ZZZ3: variants seen among roughly 807,000 people sequenced by gnomAD.
ZZZ3 encodes the protein ZZ-type zinc finger-containing protein 3.
In ZZZ3, 22 loss-of-function variants were observed where a neutral mutation model predicts 95.2. The ratio of observed to expected loss-of-function variants is 0.23; its 90% CI spans 0.17 to 0.33. The LOEUF (loss-of-function observed/expected upper bound fraction) is 0.33. ZZZ3 is among the 10% of genes least tolerant of loss of function. The probability of loss-of-function intolerance (pLI) is 1.00; values close to 1 mark genes in which losing one functional copy is unlikely to be tolerated. For synonymous variants in ZZZ3, 335 were observed against 358.9 expected (o/e 0.93, Z 0.75); for missense variants, 885 against 1,066.5 (o/e 0.83, Z 2.37).
At chr1:77,616,917 T>C (rs1486927864) in intron 5 of ZZZ3, among the ~76,000 whole-genome samples, 1 of 152,128 alleles carries the variant, frequency 6.6e-6, no homozygotes, top group African/African-American at 2.4e-5. Context: ...TTGTCAGGCA[T>C]GTTCCCAATA....
intron 1 of ZZZ3, among the ~76,000 whole-genome samples, chr1:77,672,262 A>T (rs1217944206): frequency 2.0e-5 from 3 of 152,202 alleles, no homozygotes; most frequent in Non-Finnish European, 4.4e-5. Context: ...CTATAAAGTT[A>T]CAAGGATGGT....
At chr1:77,666,803 T>C (rs1396575638) in intron 1 of ZZZ3, among the ~76,000 whole-genome samples, 1 of 152,172 alleles carries the variant, frequency 6.6e-6, no homozygotes, top group Non-Finnish European at 1.5e-5. Context: ...AGGAAGAAGA[T>C]ACTATTTTAG....
chr1:77,626,429 C>T (rs12038908), intron 5 of ZZZ3, among the ~76,000 whole-genome samples: 9,568 of 152,242 alleles, frequency 0.063, 375 homozygotes, highest in East Asian at 0.18. Flanking sequence ...TGCAACTAGA[C>T]GATCTCATCT....
chr1:77,674,638 AGAG>A lies in ZZZ3; in HGVS notation c.-403+7944_-403+7946del, dbSNP rs1289370353. 8.5e-5 allele frequency among the ~76,000 whole-genome samples: 13 copies of A among 152,268 alleles called. No individual in the cohort carries two copies. The East Asian group carries it at 1.2e-3, about 14-fold the overall frequency. ...TATCTTTATTTAAAAAGAAGGAAAA[AGAG>A]GAGATTTCTCCTTAGGAAAAGACAC... is the stretch of plus-strand genomic sequence containing the variant. On this transcript the variant is annotated intron_variant, in intron 1 of 14. Transcript: ENST00000370801.
At chr1:77,644,437 G>T (rs1669076309) in intron 1 of ZZZ3, among the ~76,000 whole-genome samples, 1 of 152,058 alleles carries the variant, frequency 6.6e-6, no homozygotes. Flanking sequence ...ATTTTCATTT[G>T]GTACAATAAT....
At chr1:77,671,683 T>C (rs576767287) in intron 1 of ZZZ3, among the ~76,000 whole-genome samples, 1 of 152,336 alleles carries the variant, frequency 6.6e-6, no homozygotes, top group African/African-American at 2.4e-5. Flanking sequence ...GTATCTAGCA[T>C]GTATCTGGCC....
chr1:77,607,913 C>A (rs1448960253), intron 5 of ZZZ3, among the ~76,000 whole-genome samples: 9 of 136,518 alleles, frequency 6.6e-5, no homozygotes, highest in Non-Finnish European at 1.4e-4. Flanking sequence ...GAACAAGACT[C>A]TGTCTCAAAA....
intron 5 of ZZZ3, among the ~76,000 whole-genome samples, chr1:77,616,586 C>T (rs1299009079): frequency 2.0e-5 from 3 of 152,164 alleles, no homozygotes; most frequent in Admixed American, 6.5e-5. Flanking sequence ...AATTGTCAGC[C>T]GGGCGCGGAG....
At chr1:77,679,036 C>A (rs72938017) in intron 1 of ZZZ3, among the ~76,000 whole-genome samples, 9 of 152,236 alleles carry the variant, frequency 5.9e-5, no homozygotes, top group Admixed American at 3.9e-4. Context: ...AAATTACCTA[C>A]ATAAATGAGA....
At chr1:77,668,825 T>C (rs1213220361) in intron 1 of ZZZ3, among the ~76,000 whole-genome samples, 1 of 152,176 alleles carries the variant, frequency 6.6e-6, no homozygotes, top group East Asian at 1.9e-4. Context: ...CTAAGTGTTC[T>C]TCCTTGTTGG....
At chr1:77,651,513 C>A (rs372848730) in intron 1 of ZZZ3, among the ~76,000 whole-genome samples, 4 of 152,094 alleles carry the variant, frequency 2.6e-5, no homozygotes, top group Non-Finnish European at 2.9e-5. Flanking sequence ...CCAATTACTA[C>A]GTGAGTTTAT....
rs1222221853 is a variant in ZZZ3 at position 77,564,646 on chromosome 1, T to C, written c.*994A>G. The C allele has an allele frequency of 6.6e-6, 1 of 152,630 alleles. No homozygotes were observed. Among genetic ancestry groups the C allele is most frequent in the Non-Finnish European group, 1.5e-5 (1 of 68,008 alleles). The allele number at this position is 152,630 out of a possible 1,614,324, so 9.5% of individuals were successfully genotyped here. A position where few individuals can be genotyped will look rare whatever the true frequency, so the allele number is the denominator to read the frequency against. Reference sequence around the variant, plus strand: ...TGATGCACAACAAAATCCAGCAGTATAAAAGAATGCATGTGAACCCTTGCT... The same window carrying C: ...TGATGCACAACAAAATCCAGCAGTACAAAAGAATGCATGTGAACCCTTGCT... On this transcript the variant is annotated 3_prime_UTR_variant, in exon 15 of 15. Transcript: ENST00000370801.
At position 77,590,644 on chromosome 1, in the gene ZZZ3, C is replaced by A. The variant is rs372044708; in HGVS notation, c.1506-5989G>T. Among the ~76,000 whole-genome samples the A allele has an allele frequency of 2.5e-4, 38 of 152,194 alleles. 1 individual carries two copies. The East Asian group carries it at 2.5e-3, about 10-fold the overall frequency. On this transcript the variant is annotated intron_variant, in intron 5 of 14. Coordinates refer to ENST00000370801, the MANE Select transcript of ZZZ3 (RefSeq NM_015534.6). Reference sequence around the variant, plus strand: ...TAATGCATAATCTTGGGCTAGATCCCCCCAGGGGGTTAAACAGCTATAAAG... The same window carrying A: ...TAATGCATAATCTTGGGCTAGATCCACCCAGGGGGTTAAACAGCTATAAAG...
In ZZZ3 at chr1:77,641,534, G is replaced by GT. The variant is rs1311273927; in HGVS notation, c.-282dup. 1 of 397,968 alleles carries GT rather than the reference G, an allele frequency of 2.5e-6. No homozygotes were observed. The highest frequency in any genetic ancestry group is 4.4e-5 in the Admixed American group (1 of 22,690). The allele number at this position is 397,968 out of a possible 1,614,324, so 24.7% of individuals were successfully genotyped here. Reference sequence around the variant, plus strand: ...CATTATTTCTTACCTTTTAAAAAGCGTTTTGCCTAGTATTTGATCCCCATG... The same window carrying GT: ...CATTATTTCTTACCTTTTAAAAAGCGTTTTTGCCTAGTATTTGATCCCCATG... On this transcript the variant is annotated 5_prime_UTR_variant, in exon 2 of 15. Transcript: ENST00000370801.
At chr1:77,637,477 T>A (rs1453146120) in intron 4 of ZZZ3, among the ~76,000 whole-genome samples, 4 of 152,150 alleles carry the variant, frequency 2.6e-5, no homozygotes, top group Non-Finnish European at 5.9e-5. Flanking sequence ...TTTCTATAAT[T>A]ATCTAATAAA....
intron 12 of ZZZ3, among the ~76,000 whole-genome samples, chr1:77,574,743 C>A (rs1364588491): frequency 6.6e-6 from 1 of 152,128 alleles, no homozygotes; most frequent in Non-Finnish European, 1.5e-5. Context: ...CAAAGATGGG[C>A]CACTTTGAAC....
At chr1:77,644,989 G>A (rs1344039817) in intron 1 of ZZZ3, among the ~76,000 whole-genome samples, 2 of 152,078 alleles carry the variant, frequency 1.3e-5, no homozygotes, top group African/African-American at 2.4e-5. Context: ...TTAAGAGACC[G>A]AGGCAGAAGG....
rs778236511 is a variant in ZZZ3 at position 77,565,646 on chromosome 1, GT to G, written c.2705del (p.Asn902ThrfsTer11). The G allele has an allele frequency of 6.2e-7, 1 of 1,613,658 alleles. No individual in the cohort carries two copies. Among genetic ancestry groups the G allele is most frequent in the Non-Finnish European group, 8.5e-7 (1 of 1,179,722 alleles). ...NYLDPNYFPA[N>X]R ...AATGATGTTCTCTTCCATGTCATCTGTTTGCTGGAAAGTAGTTTGGGTCAAG... is the reference window on the plus strand; with the variant it reads ...AATGATGTTCTCTTCCATGTCATCTGTTGCTGGAAAGTAGTTTGGGTCAAG... On this transcript the variant is annotated frameshift_variant, in exon 15 of 15. Transcript: ENST00000370801. LOFTEE classifies it high-confidence loss of function.
intron 5 of ZZZ3, among the ~76,000 whole-genome samples, chr1:77,586,871 G>A (rs1264182537): frequency 6.6e-6 from 1 of 152,152 alleles, no homozygotes; most frequent in Non-Finnish European, 1.5e-5. Context: ...CAAAACTGGG[G>A]TGACATCTAA....
Sources: allele counts gnomAD v4.1 joint callset (sites outside exome capture counted in the v4.1 genomes callset), GRCh38; gene constraint gnomAD v4.1.1; transcripts MANE v1.5; gene names NCBI Gene and HGNC (gene_info 2026-07-23, HGNC 2026-07-21).